Variants in HPSE2 observed in about 807,000 individuals in gnomAD.
The protein encoded by HPSE2 is inactive heparanase-2.
HPSE2 carries 38 observed loss-of-function variants against 60.5 expected under a neutral mutation model. The ratio of observed to expected loss-of-function variants is 0.63; its 90% confidence interval spans 0.48 to 0.82. The LOEUF (loss-of-function observed/expected upper bound fraction) is 0.82, where lower values mean the gene tolerates loss of function less well. Ranked by LOEUF, HPSE2 falls within the 40% of genes least tolerant of loss-of-function variation. The pLI is 0.00. For missense variants in HPSE2, 713 were observed against 740.4 expected (o/e 0.96, Z 0.43); for synonymous variants, 295 against 293.2 (o/e 1.01, Z -0.06).
intron 9 of HPSE2, among the ~76,000 whole-genome samples, chr10:98,611,700 G>A (rs528252644): frequency 6.6e-6 from 1 of 152,222 alleles, no homozygotes; most frequent in South Asian, 2.1e-4. Flanking sequence ...TCCTTCCAGG[G>A]GAGACTTAGG....
chr10:98,610,960 A>G (rs184036691), intron 9 of HPSE2, among the ~76,000 whole-genome samples: 2 of 152,346 alleles, frequency 1.3e-5, no homozygotes, highest in Non-Finnish European at 2.9e-5. Context: ...AGAAATGCCC[A>G]TGACTGGTGG....
intron 6 of HPSE2, among the ~76,000 whole-genome samples, chr10:98,687,761 T>G (rs1947955113): frequency 6.6e-6 from 1 of 152,192 alleles, no homozygotes; most frequent in Admixed American, 6.5e-5. Flanking sequence ...GAAATTAATA[T>G]AGCCTCACCA....
At chr10:99,283,797 A>G in the HPSE2 span, among the ~76,000 whole-genome samples, 1 of 152,178 alleles carries the variant, frequency 6.6e-6, no homozygotes, top group Non-Finnish European at 1.5e-5. Flanking sequence ...TCCTAAACTA[A>G]CTCAAGAAGA....
intron 3 of HPSE2, among the ~76,000 whole-genome samples, chr10:98,971,414 T>A (rs1315351451): frequency 6.6e-6 from 1 of 152,184 alleles, no homozygotes; most frequent in Non-Finnish European, 1.5e-5. Context: ...ATTTTTTAAT[T>A]CTCTTTGTAC....
intron 3 of HPSE2, among the ~76,000 whole-genome samples, chr10:98,879,852 C>CGTAT (rs1554835528): frequency 6.9e-6 from 1 of 145,676 alleles, no homozygotes; most frequent in Non-Finnish European, 1.5e-5. Context: ...TGTGCATGTG[C>CGTAT]GTGTGTGTGT....
At chr10:98,757,054 CA>C (rs1949895069) in intron 3 of HPSE2, among the ~76,000 whole-genome samples, 1 of 152,120 alleles carries the variant, frequency 6.6e-6, no homozygotes, top group South Asian at 2.1e-4. Context: ...TGTGATTCAT[CA>C]CATAAATAGA....
At chr10:98,562,486 G>A (rs759364383) in intron 9 of HPSE2, among the ~76,000 whole-genome samples, 5 of 152,074 alleles carry the variant, frequency 3.3e-5, no homozygotes, top group African/African-American at 4.8e-5. Flanking sequence ...GGAGGCTGAG[G>A]CGGGCGGATC....
intron 10 of HPSE2, among the ~76,000 whole-genome samples, chr10:98,484,473 A>T (rs1166057729): frequency 6.6e-6 from 1 of 152,184 alleles, no homozygotes; most frequent in African/African-American, 2.4e-5. Flanking sequence ...CCTGACCTCA[A>T]GTGATCACCC....
intron 6 of HPSE2, among the ~76,000 whole-genome samples, chr10:98,665,336 G>C (rs1414205954): frequency 6.6e-6 from 1 of 152,156 alleles, no homozygotes; most frequent in Non-Finnish European, 1.5e-5. Flanking sequence ...GAGAAGATAA[G>C]AGAGTAAGCA....
chr10:98,842,684 G>A (rs1951943898), intron 3 of HPSE2, among the ~76,000 whole-genome samples: 1 of 152,026 alleles, frequency 6.6e-6, no homozygotes, highest in South Asian at 2.1e-4. Context: ...TTCTTCTGAT[G>A]AACCTACATT....
At chr10:98,743,841 C>A in intron 4 of HPSE2, 42 bp downstream of exon 4, 1 of 1,557,518 alleles carries the variant, frequency 6.4e-7, no homozygotes, top group South Asian at 1.1e-5. Flanking sequence ...TTATTTTTCC[C>A]CTTTATTTTG....
intron 3 of HPSE2, among the ~76,000 whole-genome samples, chr10:99,089,724 T>C (rs997954489): frequency 6.6e-6 from 1 of 152,118 alleles, no homozygotes; most frequent in African/African-American, 2.4e-5. Context: ...GATGGTGGTA[T>C]TTTGATAGGA....
At chr10:98,659,912 A>C (rs571412463) in intron 6 of HPSE2, among the ~76,000 whole-genome samples, 5 of 152,254 alleles carry the variant, frequency 3.3e-5, no homozygotes, top group Admixed American at 6.5e-5. Flanking sequence ...CAAGAGTATT[A>C]GCATTTTTCT....
chr10:99,152,792 G>A lies in HPSE2; in HGVS notation c.449-8393C>T, dbSNP rs113734819. On this transcript the variant is annotated intron_variant, in intron 2 of 11. Transcript: ENST00000370552. ...ACAGCTCCAGTCTACAGCTCCCAGC[G>A]TGAGTGACGCAGAAGACGGGTGATT... is the stretch of plus-strand genomic sequence containing the variant. Among the ~76,000 whole-genome samples the A allele has an allele frequency of 2.3e-3, 346 of 152,336 alleles. 2 individuals are homozygous for A. The highest frequency in any genetic ancestry group is 7.8e-3 in the African/African-American group (324 of 41,586).
chr10:98,977,168 A>T (rs559502179), intron 3 of HPSE2, among the ~76,000 whole-genome samples: 1 of 152,304 alleles, frequency 6.6e-6, no homozygotes, highest in African/African-American at 2.4e-5. Context: ...ACCATAGGAA[A>T]CCATCCATTT....
At chr10:99,088,675 G>A (rs932907227) in intron 3 of HPSE2, among the ~76,000 whole-genome samples, 23 of 152,174 alleles carry the variant, frequency 1.5e-4, no homozygotes, top group Admixed American at 1.5e-3. Flanking sequence ...GCATGTGCAA[G>A]TATCTTTTTC....
intron 3 of HPSE2, among the ~76,000 whole-genome samples, chr10:98,910,917 C>A (rs1041776791): frequency 6.6e-6 from 1 of 152,210 alleles, no homozygotes; most frequent in African/African-American, 2.4e-5. Context: ...GCCTACCCAG[C>A]TTCACTGGCC....
chr10:99,310,496 T>C, the HPSE2 span, among the ~76,000 whole-genome samples: 1 of 152,236 alleles, frequency 6.6e-6, no homozygotes, highest in African/African-American at 2.4e-5. Flanking sequence ...TGTAAATAGT[T>C]AGAAAGGATA....
At chr10:98,507,824 C>T (rs769391159) in intron 9 of HPSE2, among the ~76,000 whole-genome samples, 1 of 151,926 alleles carries the variant, frequency 6.6e-6, no homozygotes, top group African/African-American at 2.4e-5. Flanking sequence ...TGAATGGGTT[C>T]CATTTTTATA....
Sources: gnomAD v4.1 joint callset for allele counts (sites outside exome capture counted in the v4.1 genomes callset) on GRCh38, gnomAD v4.1.1 for gene constraint, MANE v1.5 for transcripts, NCBI Gene and HGNC (gene_info 2026-07-23, HGNC 2026-07-21) for gene names.